BEND7: variants seen among roughly 807,000 people sequenced by gnomAD.
The protein encoded by BEND7 is BEN domain-containing protein 7.
In BEND7, 28 loss-of-function variants were observed where a neutral mutation model predicts 50.9. The ratio of observed to expected loss-of-function variants is 0.55; its 90% CI spans 0.41 to 0.75. The LOEUF (loss-of-function observed/expected upper bound fraction) is 0.75. BEND7 is among the 30% of genes least tolerant of loss of function. The probability of loss-of-function intolerance (pLI) is 0.00; values close to 1 mark genes in which losing one functional copy is unlikely to be tolerated. For synonymous variants in BEND7, 170 were observed against 183.9 expected, an observed-to-expected ratio of 0.92 and a Z score of 0.61; for missense variants, 477 against 491.3, an observed-to-expected ratio of 0.97 and a Z score of 0.28.
In BEND7 at chr10:13,469,768, C is replaced by A. The variant is rs149480534; in HGVS notation, c.1063+11131G>T. 3.0e-4 allele frequency among the ~76,000 whole-genome samples: 46 copies of A among 152,322 alleles called. 2 individuals carry two copies. The East Asian group carries it at 8.7e-3, about 29-fold the overall frequency. The stretch of plus-strand genomic sequence containing the variant: ...GGGATTACAGGCATGAGCCACCGTG[C>A]CCAGCCGAAAGTTATGAATTTTTAA... On this transcript the variant is annotated intron_variant, in intron 6 of 8. Transcript: ENST00000466271.
chr10:13,440,741 T>C (rs570408548), downstream of BEND7, among the ~76,000 whole-genome samples: 88 of 152,382 alleles, frequency 5.8e-4, no homozygotes, highest in Non-Finnish European at 9.4e-4. Flanking sequence ...GTCTGATGTG[T>C]TGTTTCCATA....
intron 8 of BEND7, chr10:13,444,705 A>C (rs1835917469): frequency 6.6e-6 from 1 of 152,258 alleles, no homozygotes; most frequent in African/African-American, 2.4e-5. Context: ...CAAAGAAGCC[A>C]ACCAGAATGG....
intron 6 of BEND7, among the ~76,000 whole-genome samples, chr10:13,467,082 C>T (rs1400633008): frequency 6.6e-6 from 1 of 152,148 alleles, no homozygotes; most frequent in Non-Finnish European, 1.5e-5. Flanking sequence ...GATGCTGGGG[C>T]GTCAGGACAG....
chr10:13,474,897 G>A (rs1433606971), intron 6 of BEND7, among the ~76,000 whole-genome samples: 1 of 152,224 alleles, frequency 6.6e-6, no homozygotes, highest in East Asian at 1.9e-4. Flanking sequence ...TGACTGTAGG[G>A]CTGCTGCTCC....
chr10:13,444,509 CT>C (rs1835876614), intron 8 of BEND7: 1 of 152,140 alleles, frequency 6.6e-6, no homozygotes, highest in South Asian at 2.1e-4. Flanking sequence ...ATTGTTGAAT[CT>C]TTAAAAAGAA....
At chr10:13,497,825 G>C (rs942382162) in intron 3 of BEND7, among the ~76,000 whole-genome samples, 34 of 152,156 alleles carry the variant, frequency 2.2e-4, no homozygotes, top group East Asian at 1.4e-3. Context: ...CCATGGTTTT[G>C]TTCCAATTAT....
rs781163790 is a variant in BEND7 at position 13,492,847 on chromosome 10, T to A, written c.601A>T (p.Ile201Phe). The A allele has an allele frequency of 1.2e-6, 2 of 1,604,188 alleles. No homozygotes were observed. The highest frequency in any genetic ancestry group is 1.7e-6 in the Non-Finnish European group (2 of 1,177,914). Reference protein sequence around the residue: ...VGTQNRQQPPISLICSQRTAV... With the variant: ...VGTQNRQQPPFSLICSQRTAV... ...GTTCGCTGGGAGCATATAAGGGAAA[T>A]TGGAGGTTGTTGTCTGTTTTGAGTT... The change falls in exon 5 of 9, where the codon ATT (isoleucine) becomes TTT (phenylalanine). Residue 201 changes from isoleucine (I) to phenylalanine (F), a missense_variant. Physicochemically the swap from Ile to Phe is conservative, Grantham distance 21. This residue lies in a region of BEND7 where 396 missense variants were observed against 384.2 expected (regional missense o/e 1.03). Transcript: ENST00000466271.
intron 6 of BEND7, among the ~76,000 whole-genome samples, chr10:13,468,937 C>T (rs2074527708): frequency 6.6e-6 from 1 of 152,244 alleles, no homozygotes; most frequent in African/African-American, 2.4e-5. Context: ...ACCGCTGACT[C>T]TTCAGAAAGA....
At chr10:13,504,808 TA>T (rs1467796877) in intron 2 of BEND7, among the ~76,000 whole-genome samples, 2 of 152,262 alleles carry the variant, frequency 1.3e-5, no homozygotes, top group Non-Finnish European at 2.9e-5. Context: ...TGGAGTTTAG[TA>T]ACTATACTCC....
chr10:13,495,048 T>C (rs1460877718), intron 4 of BEND7, among the ~76,000 whole-genome samples: 1 of 152,248 alleles, frequency 6.6e-6, no homozygotes, highest in Non-Finnish European at 1.5e-5. Flanking sequence ...ATTTACTTAA[T>C]AGATTCTAAA....
chr10:13,511,581 T>C (rs1018803447), intron 2 of BEND7, among the ~76,000 whole-genome samples: 4 of 152,136 alleles, frequency 2.6e-5, no homozygotes, highest in African/African-American at 7.2e-5. Context: ...TGCTGGGGTG[T>C]GGCACGTTTT....
chr10:13,479,276 AG>A (rs1452811561), intron 6 of BEND7, among the ~76,000 whole-genome samples: 1 of 152,066 alleles, frequency 6.6e-6, no homozygotes, highest in Non-Finnish European at 1.5e-5. Flanking sequence ...CCCAAAGTGC[AG>A]GGATTACAGG....
At chr10:13,499,726 G>GA (rs775341606) in intron 3 of BEND7, 52 bp downstream of exon 3, 1 of 1,106,938 alleles carries the variant, frequency 9.0e-7, no homozygotes, top group Non-Finnish European at 1.3e-6. Flanking sequence ...TTTAGAAATA[G>GA]AACAGTACAA....
intron 2 of BEND7, among the ~76,000 whole-genome samples, chr10:13,507,436 C>A (rs1220298057): frequency 6.6e-6 from 1 of 152,204 alleles, no homozygotes; most frequent in Admixed American, 6.5e-5. Flanking sequence ...ATTACACTAT[C>A]ATGTCCCGTT....
intron 5 of BEND7, among the ~76,000 whole-genome samples, chr10:13,481,937 C>T (rs10906391): frequency 0.29 from 44,094 of 152,130 alleles, 8,270 homozygotes; most frequent in East Asian, 0.68. Flanking sequence ...TCCAACAGCA[C>T]GCCAGGAGGT....
At chr10:13,490,585 CT>C (rs1371195883) in intron 5 of BEND7, among the ~76,000 whole-genome samples, 5 of 152,218 alleles carry the variant, frequency 3.3e-5, no homozygotes, top group Admixed American at 6.5e-5. Context: ...CTATCTCTAT[CT>C]TTCTGTCAGC....
At chr10:13,486,974 C>A (rs1246680134) in intron 5 of BEND7, among the ~76,000 whole-genome samples, 1 of 152,210 alleles carries the variant, frequency 6.6e-6, no homozygotes, top group African/African-American at 2.4e-5. Context: ...GAGAGACTAT[C>A]CAGGCTCCCA....
At chr10:13,512,529 A>G (rs1269614505) in intron 2 of BEND7, among the ~76,000 whole-genome samples, 2 of 152,200 alleles carry the variant, frequency 1.3e-5, no homozygotes, top group African/African-American at 4.8e-5. Flanking sequence ...CTATTTGCAA[A>G]GAGACGCCCT....
chr10:13,512,650 C>T (rs1478373219), intron 2 of BEND7, among the ~76,000 whole-genome samples: 1 of 152,248 alleles, frequency 6.6e-6, no homozygotes, highest in Non-Finnish European at 1.5e-5. Context: ...GTTAATTCCA[C>T]ATCTACCTCA....
Sources: gnomAD v4.1 joint callset for allele counts (sites outside exome capture counted in the v4.1 genomes callset) on GRCh38, gnomAD v4.1.1 for gene constraint, gnomAD v4.1.1 regional missense constraint, MANE v1.5 for transcripts, NCBI Gene and HGNC (gene_info 2026-07-23, HGNC 2026-07-21) for gene names.